ATP2B2: variants seen among roughly 807,000 people sequenced by gnomAD.
ATP2B2 encodes the protein ATPase plasma membrane Ca2+ transporting 2, also known as plasma membrane calcium-transporting ATPase 2.
Under a neutral mutation model 120.0 loss-of-function variants are expected in ATP2B2, and 15 were observed. The ratio of observed to expected loss-of-function variants is 0.12; its 90% CI spans 0.08 to 0.19. The LOEUF (loss-of-function observed/expected upper bound fraction) is 0.19. Ranked by LOEUF, ATP2B2 falls within the 10% of genes least tolerant of loss-of-function variation. ATP2B2 has a pLI of 1.00. For missense variants in ATP2B2, 1,045 were observed against 1,719.8 expected (o/e 0.61, Z 6.94); for synonymous variants, 694 against 700.3 (o/e 0.99, Z 0.14).
At chr3:10,348,636 A>G (rs2060493262) in intron 16 of ATP2B2, among the ~76,000 whole-genome samples, 1 of 152,230 alleles carries the variant, frequency 6.6e-6, no homozygotes, top group South Asian at 2.1e-4. Flanking sequence ...CCTCAAGCAC[A>G]GGCCCTACCA....
chr3:10,429,495 C>A (rs967901207), intron 2 of ATP2B2, among the ~76,000 whole-genome samples: 2 of 152,108 alleles, frequency 1.3e-5, no homozygotes, highest in African/African-American at 4.8e-5. Flanking sequence ...ACTATTGTAA[C>A]CGTTTTGGGG....
intron 22 of ATP2B2, among the ~76,000 whole-genome samples, chr3:10,337,512 C>G (rs77630473): frequency 6.0e-4 from 91 of 152,124 alleles, no homozygotes; most frequent in African/African-American, 2.0e-3. Flanking sequence ...GTGGGGGGGT[C>G]GGGGGAGGCG....
chr3:10,444,549 C>A (rs1407770771), intron 2 of ATP2B2, among the ~76,000 whole-genome samples: 1 of 152,244 alleles, frequency 6.6e-6, no homozygotes, highest in Non-Finnish European at 1.5e-5. Context: ...CCGGAGGTTC[C>A]GTTTCACAGC....
chr3:10,456,499 A>T (rs532983546), intron 1 of ATP2B2, among the ~76,000 whole-genome samples: 67 of 152,278 alleles, frequency 4.4e-4, no homozygotes, highest in African/African-American at 1.5e-3. Context: ...CCTACAGCCT[A>T]CCTCACAGGG....
intron 2 of ATP2B2, among the ~76,000 whole-genome samples, chr3:10,565,787 T>C (rs954665613): frequency 1.3e-5 from 2 of 152,176 alleles, no homozygotes; most frequent in Non-Finnish European, 2.9e-5. Flanking sequence ...ACAAACGTAA[T>C]ACAGTGATTA....
intron 1 of ATP2B2, among the ~76,000 whole-genome samples, chr3:10,668,627 T>C (rs2071011478): frequency 6.6e-6 from 1 of 152,198 alleles, no homozygotes; most frequent in African/African-American, 2.4e-5. Flanking sequence ...TCACCTTCCT[T>C]GACCTCCTTT....
At chr3:10,565,465 G>A (rs2067990056) in intron 2 of ATP2B2, among the ~76,000 whole-genome samples, 1 of 152,024 alleles carries the variant, frequency 6.6e-6, no homozygotes, top group Non-Finnish European at 1.5e-5. Context: ...CTGCCTCCTT[G>A]GCCATATCTC....
intron 9 of ATP2B2, among the ~76,000 whole-genome samples, chr3:10,378,857 C>A (rs2061451275): frequency 6.6e-6 from 1 of 152,196 alleles, no homozygotes; most frequent in African/African-American, 2.4e-5. Flanking sequence ...AAGAGGGCAG[C>A]CATGGGAGCC....
intron 8 of ATP2B2, among the ~76,000 whole-genome samples, chr3:10,381,788 T>C (rs1402355911): frequency 1.3e-5 from 2 of 152,204 alleles, no homozygotes; most frequent in African/African-American, 4.8e-5. Flanking sequence ...TGGAGTCAGA[T>C]GCACCTTTTC....
At chr3:10,336,070 G>A (rs2060108505) in intron 22 of ATP2B2, 1 of 1,525,676 alleles carries the variant, frequency 6.6e-7, no homozygotes, top group Non-Finnish European at 8.9e-7. Context: ...CCCAGCCCCT[G>A]CCCGCCTGGG....
At chr3:10,697,173 A>C (rs1408907463) in intron 1 of ATP2B2, among the ~76,000 whole-genome samples, 1 of 151,924 alleles carries the variant, frequency 6.6e-6, no homozygotes, top group Non-Finnish European at 1.5e-5. Flanking sequence ...TTTCCTCTGC[A>C]TTTTCACTGC....
chr3:10,332,429 G>A (rs1337346268), intron 22 of ATP2B2: 1 of 203,030 alleles, frequency 4.9e-6, no homozygotes, highest in African/African-American at 2.3e-5. Flanking sequence ...TTTGAGATGA[G>A]TTAGGAATTT....
At chr3:10,377,218 G>C (rs762263670) in intron 10 of ATP2B2, among the ~76,000 whole-genome samples, 2 of 152,100 alleles carry the variant, frequency 1.3e-5, no homozygotes, top group Admixed American at 1.3e-4. Context: ...TGGCGGTGGC[G>C]ATGGCGGTAT....
intron 1 of ATP2B2, among the ~76,000 whole-genome samples, chr3:10,495,481 C>T (rs2066108917): frequency 6.6e-6 from 1 of 152,208 alleles, no homozygotes; most frequent in Non-Finnish European, 1.5e-5. Flanking sequence ...AACTTTTGCA[C>T]ACGGAGCCCC....
intron 14 of ATP2B2, among the ~76,000 whole-genome samples, chr3:10,354,379 G>A (rs548579857): frequency 3.6e-4 from 55 of 152,218 alleles, no homozygotes; most frequent in African/African-American, 1.3e-3. Flanking sequence ...AAATAAATAA[G>A]TTTGGGAAAA....
chr3:10,558,011 G>A (rs1281266320), intron 2 of ATP2B2, among the ~76,000 whole-genome samples: 1 of 152,150 alleles, frequency 6.6e-6, no homozygotes, highest in Non-Finnish European at 1.5e-5. Flanking sequence ...TAGAAATAAG[G>A]CAAGACAAGG....
chr3:10,651,389 A>G (rs962898424), intron 1 of ATP2B2, among the ~76,000 whole-genome samples: 1 of 152,208 alleles, frequency 6.6e-6, no homozygotes, highest in African/African-American at 2.4e-5. Context: ...ATGATAGTGA[A>G]TAAGTCTCAC....
rs2059859549 is a variant in ATP2B2, at chr3:10,326,458, A to G, written c.*2356T>C. 2 of 361,422 alleles carry G rather than the reference A, an allele frequency of 5.5e-6. No homozygotes were observed. The highest frequency in any genetic ancestry group is 8.0e-5 in the East Asian group (2 of 24,878). The allele number at this position is 361,422 out of a possible 1,614,324, so 22.4% of individuals were successfully genotyped here. A position where few individuals can be genotyped will look rare whatever the true frequency, so the allele number is the denominator to read the frequency against. On this transcript the variant is annotated 3_prime_UTR_variant, in exon 23 of 23. Coordinates refer to ENST00000360273, the MANE Select transcript of ATP2B2 (RefSeq NM_001001331.4). ...ATGGTGTGCAAACACAGCTATCCTG[A>G]TGTCATGGAACGAGGTCACGGACAC...
chr3:10,477,539 A>C (rs1396764167), intron 1 of ATP2B2, among the ~76,000 whole-genome samples: 2 of 152,156 alleles, frequency 1.3e-5, no homozygotes, highest in Non-Finnish European at 2.9e-5. Flanking sequence ...TCCCCATCCA[A>C]CACCAACTCC....
Sources: allele counts gnomAD v4.1 joint callset (sites outside exome capture counted in the v4.1 genomes callset), GRCh38; gene constraint gnomAD v4.1.1; transcripts MANE v1.5; gene names NCBI Gene and HGNC (gene_info 2026-07-23, HGNC 2026-07-21).